CFAP47: variants seen among roughly 807,000 people sequenced by gnomAD.
The protein encoded by CFAP47 is cilia and flagella associated protein 47, also known as cilia- and flagella-associated protein 47.
CFAP47 carries 29 observed loss-of-function variants against 148.1 expected under a neutral mutation model. That is an observed-to-expected ratio of 0.20 (90% CI 0.15 to 0.27). CFAP47 has a LOEUF of 0.27. Ranked by LOEUF, CFAP47 falls within the 10% of genes least tolerant of loss-of-function variation. The probability of loss-of-function intolerance (pLI) is 1.00; values close to 1 mark genes in which losing one functional copy is unlikely to be tolerated. For synonymous variants in CFAP47, 664 were observed against 577.3 expected (o/e 1.15, Z -2.15); for missense variants, 1,872 against 1,697.5 (o/e 1.10, Z -1.81).
intron 33 of CFAP47, among the ~76,000 whole-genome samples, chrX:36,122,593 A>G (rs1405211920): frequency 9.0e-6 from 1 of 111,304 alleles, no homozygotes; most frequent in Non-Finnish European, 1.9e-5. Flanking sequence ...AAGGACTTTG[A>G]TGTATTTTTT....
intron 51 of CFAP47, among the ~76,000 whole-genome samples, chrX:36,292,573 T>C (rs1556005738): frequency 8.9e-6 from 1 of 112,119 alleles, no homozygotes; most frequent in Non-Finnish European, 1.9e-5. Flanking sequence ...TACTTCATGC[T>C]AGTGCATATT....
At chrX:36,259,100 A>G (rs1252699136) in intron 49 of CFAP47, among the ~76,000 whole-genome samples, 1 of 111,369 alleles carries the variant, frequency 9.0e-6, no homozygotes, top group African/African-American at 3.3e-5. Flanking sequence ...TAGGTGTTCA[A>G]TTAATGTCGA....
At position 36,173,285 on chromosome X, in the gene CFAP47, T is replaced by G. The variant is rs1450103253; in HGVS notation, c.6027-6060T>G. On this transcript the variant is annotated intron_variant, in intron 39 of 63. Coordinates refer to ENST00000378653, the MANE Select transcript of CFAP47 (RefSeq NM_001304548.2). ...TCGTTAATTTTTTGAAGGGTTTCTT[T>G]TGTCTCTATTTCCTTCAGTTCTGCT... 3.6e-5 allele frequency among the ~76,000 whole-genome samples: 4 copies of G among 111,820 alleles called. No homozygotes were observed. The East Asian group carries it at 8.4e-4, about 24-fold the overall frequency.
intron 8 of CFAP47, among the ~76,000 whole-genome samples, chrX:35,960,035 A>G (rs1420549051): frequency 9.1e-6 from 1 of 110,304 alleles, no homozygotes; most frequent in Non-Finnish European, 1.9e-5. Flanking sequence ...GGATTTCTAG[A>G]CTAAAAATTC....
In CFAP47 at chrX:36,337,740, A is replaced by G. The variant is rs148826014; in HGVS notation, c.8444-10389A>G. 1.5e-4 allele frequency among the ~76,000 whole-genome samples: 17 copies of G among 109,932 alleles called. No homozygotes were observed. The East Asian group carries it at 4.6e-3, about 30-fold the overall frequency. On this transcript the variant is annotated intron_variant, in intron 57 of 63. Transcript: ENST00000378653. The stretch of plus-strand genomic sequence containing the variant: ...ATCCATGTGCCTTGCCTTCCCTCAC[A>G]TTACATCAGAAAAGGACTCTGTGCT...
chrX:36,108,779 G>A (rs1367046301), intron 33 of CFAP47, among the ~76,000 whole-genome samples: 1 of 108,139 alleles, frequency 9.2e-6, no homozygotes, highest in Non-Finnish European at 1.9e-5. Flanking sequence ...CTATTGATTG[G>A]CTGCTGCTTC....
At position 36,231,856 on chromosome X, in the gene CFAP47, A is replaced by G. The variant is rs1239908366; in HGVS notation, c.7014+3032A>G. On this transcript the variant is annotated intron_variant, in intron 46 of 63. Transcript: ENST00000378653. ...GAATTTTGTCAAAGGCCTTTTCTGCATCTATTGAGATAATCATGTGGTTTT... is the reference window on the plus strand; with the variant it reads ...GAATTTTGTCAAAGGCCTTTTCTGCGTCTATTGAGATAATCATGTGGTTTT... 1.3e-4 allele frequency among the ~76,000 whole-genome samples: 15 copies of G among 111,755 alleles called. No individual in the cohort carries two copies. The East Asian group carries it at 4.2e-3, about 32-fold the overall frequency.
At chrX:36,275,415 CGTGTGT>C (rs35781816) in intron 49 of CFAP47, among the ~76,000 whole-genome samples, 122 of 87,723 alleles carry the variant, frequency 1.4e-3, no homozygotes, top group African/African-American at 3.2e-3. Flanking sequence ...GTGAGATCGT[CGTGTGT>C]GTGTGTGTGT....
At chrX:36,373,296 T>C (rs1273516005) in intron 62 of CFAP47, among the ~76,000 whole-genome samples, 2 of 111,869 alleles carry the variant, frequency 1.8e-5, no homozygotes, top group Non-Finnish European at 3.8e-5. Context: ...TTTAATGCTA[T>C]ATAAATTGGA....
chrX:36,238,588 C>T (rs945961122), intron 48 of CFAP47, among the ~76,000 whole-genome samples: 53 of 112,035 alleles, frequency 4.7e-4, no homozygotes, highest in African/African-American at 1.7e-3. Flanking sequence ...AAGTTTGACA[C>T]TGTTGACCTA....
At chrX:36,087,284 C>A (rs1938105587) in intron 30 of CFAP47, among the ~76,000 whole-genome samples, 1 of 112,246 alleles carries the variant, frequency 8.9e-6, no homozygotes, top group Non-Finnish European at 1.9e-5. Flanking sequence ...ATTTATTTGA[C>A]AATGAGTCTA....
chrX:35,976,194 A>AGGTTGTGT (rs1289441145), intron 15 of CFAP47, among the ~76,000 whole-genome samples: 7 of 110,756 alleles, frequency 6.3e-5, no homozygotes, highest in Non-Finnish European at 1.3e-4. Context: ...TCTGGCTCAC[A>AGGTTGTGT]GGTTGTGTGG....
chrX:35,999,829 C>T (rs1936893532), intron 19 of CFAP47, among the ~76,000 whole-genome samples: 1 of 111,775 alleles, frequency 8.9e-6, no homozygotes, highest in African/African-American at 3.2e-5. Context: ...CTAGTTGAAG[C>T]TGGAACATGA....
chrX:36,098,042 C>T (rs1938308696), intron 30 of CFAP47, among the ~76,000 whole-genome samples: 1 of 111,468 alleles, frequency 9.0e-6, no homozygotes, highest in Non-Finnish European at 1.9e-5. Context: ...TTTTAAATAG[C>T]CTGTCTTCAA....
chrX:36,138,470 T>C lies in CFAP47; in HGVS notation c.5535+6T>C, dbSNP rs770627745. 2.6e-6 allele frequency: 3 copies of C among 1,138,308 alleles called. No individual in the cohort carries two copies. Among genetic ancestry groups the C allele is most frequent in the Non-Finnish European group, 3.5e-6 (3 of 865,907 alleles). 93.8% of individuals were successfully genotyped at this position (1,138,308 alleles called of 1,213,427 possible). Reference sequence around the variant, plus strand: ...ACTTTGACGTGGAAATACAGGTGGGTGCCTTTATATTAAACATTCTACAAA... The same window carrying C: ...ACTTTGACGTGGAAATACAGGTGGGCGCCTTTATATTAAACATTCTACAAA... On this transcript the variant is annotated splice_donor_region_variant and intron_variant, in intron 35 of 63. Transcript: ENST00000378653.
chrX:36,287,108 AAAAACC>A lies in CFAP47; in HGVS notation c.7686+1399_7686+1404del. ...AGCAAAAAGCAAAAACAAACAAACA[AAAAACC>A]AAAACCAAAACCAAAAAACCACTAC... On this transcript the variant is annotated intron_variant, in intron 51 of 63. Transcript: ENST00000378653. Among the ~76,000 whole-genome samples, 3 of 111,861 alleles carry A rather than the reference AAAAACC, an allele frequency of 2.7e-5. No homozygotes were observed. In the Admixed American group the frequency reaches 2.8e-4, roughly 11 times the overall value.
intron 62 of CFAP47, chrX:36,375,003 A>G: frequency 2.0e-6 from 1 of 489,175 alleles, no homozygotes; most frequent in East Asian, 4.0e-5. Context: ...GTTCACAACA[A>G]TTTTTCCAGC....
intron 57 of CFAP47, among the ~76,000 whole-genome samples, chrX:36,328,730 A>T (rs781966587): frequency 1.9e-5 from 2 of 105,941 alleles, no homozygotes; most frequent in African/African-American, 6.9e-5. Flanking sequence ...GAATGGCGTG[A>T]ACCCGGGAAG....
intron 51 of CFAP47, among the ~76,000 whole-genome samples, chrX:36,290,730 T>A (rs4369139): frequency 0.27 from 30,313 of 111,549 alleles, 4,168 homozygotes; most frequent in African/African-American, 0.53. Context: ...ATGTAGCCCC[T>A]AAAGGACACA....
Sources: gnomAD v4.1 joint callset for allele counts (sites outside exome capture counted in the v4.1 genomes callset) on GRCh38, gnomAD v4.1.1 for gene constraint, MANE v1.5 for transcripts, NCBI Gene and HGNC (gene_info 2026-07-23, HGNC 2026-07-21) for gene names.